RYR2: variants seen among roughly 807,000 people sequenced by gnomAD.
RYR2 encodes cardiac muscle ryanodine receptor-calcium release channel.
Under a neutral mutation model 601.1 loss-of-function variants are expected in RYR2, and 227 were observed. The ratio of observed to expected loss-of-function variants is 0.38; its 90% CI spans 0.34 to 0.42. The LOEUF (loss-of-function observed/expected upper bound fraction) is 0.42, where lower values mean the gene tolerates loss of function less well. RYR2 is among the 10% of genes least tolerant of loss of function. The pLI, the probability that RYR2 is intolerant of heterozygous loss-of-function variation, is 1.00. For missense variants in RYR2, 4,646 were observed against 6,156.5 expected (o/e 0.75, Z 8.21); for synonymous variants, 2,223 against 2,175.1 (o/e 1.02, Z -0.61).
At chr1:237,653,382 C>T (rs948608504) in intron 51 of RYR2, among the ~76,000 whole-genome samples, 1 of 152,162 alleles carries the variant, frequency 6.6e-6, no homozygotes, top group Non-Finnish European at 1.5e-5. Flanking sequence ...CTTCATTTTA[C>T]ACACAGATTC....
intron 101 of RYR2, among the ~76,000 whole-genome samples, chr1:237,827,063 T>C (rs1663182895): frequency 6.6e-6 from 1 of 152,222 alleles, no homozygotes; most frequent in Non-Finnish European, 1.5e-5. Context: ...TAAATGTCTG[T>C]AAATGTGACA....
intron 22 of RYR2, among the ~76,000 whole-genome samples, chr1:237,505,841 G>A (rs576152171): frequency 6.6e-6 from 1 of 152,230 alleles, no homozygotes; most frequent in South Asian, 2.1e-4. Context: ...CCCTTACCTT[G>A]GGTTTTTTAT....
chr1:237,828,083 TGAA>T (rs1334418369), intron 101 of RYR2, among the ~76,000 whole-genome samples: 2 of 152,168 alleles, frequency 1.3e-5, no homozygotes. Flanking sequence ...TTTTTCGGCA[TGAA>T]GTATGTAATA....
intron 2 of RYR2, among the ~76,000 whole-genome samples, chr1:237,326,508 A>G (rs140288715): frequency 0.01 from 1,588 of 152,324 alleles, 22 homozygotes; most frequent in Middle Eastern, 0.017. Flanking sequence ...TAAACGCCAT[A>G]TGTAATGTGT....
intron 2 of RYR2, among the ~76,000 whole-genome samples, chr1:237,287,764 C>G (rs923855432): frequency 3.0e-4 from 46 of 152,156 alleles, no homozygotes; most frequent in African/African-American, 1.1e-3. Flanking sequence ...TTTCTCTGGT[C>G]CCTCCTTGAT....
chr1:237,517,168 T>C (rs1666628033), intron 24 of RYR2, among the ~76,000 whole-genome samples: 1 of 152,164 alleles, frequency 6.6e-6, no homozygotes, highest in Non-Finnish European at 1.5e-5. Flanking sequence ...TTAAACTTTT[T>C]CCTGCCTCAC....
intron 101 of RYR2, among the ~76,000 whole-genome samples, chr1:237,823,798 A>T (rs998032882): frequency 2.0e-5 from 3 of 152,190 alleles, no homozygotes; most frequent in African/African-American, 7.2e-5. Context: ...ACTAATAAAG[A>T]AGAAAAGAGA....
At chr1:237,528,663 C>G (rs568406929) in intron 24 of RYR2, among the ~76,000 whole-genome samples, 2 of 152,248 alleles carry the variant, frequency 1.3e-5, no homozygotes, top group African/African-American at 2.4e-5. Context: ...AACACTGGCT[C>G]TCTCTCAGAA....
At chr1:237,162,276 A>G (rs990948385) in intron 1 of RYR2, among the ~76,000 whole-genome samples, 1 of 152,130 alleles carries the variant, frequency 6.6e-6, no homozygotes, top group Admixed American at 6.6e-5. Flanking sequence ...AGGCATTTGT[A>G]CCTTTATACA....
At chr1:237,491,676 G>A in intron 17 of RYR2, 130 bp from the exon 18 acceptor site, 1 of 585,830 alleles carries the variant, frequency 1.7e-6, no homozygotes, top group Non-Finnish European at 3.1e-6. Flanking sequence ...ACAGTGCCTT[G>A]TAACAGTCAC....
rs531580520 is a variant in RYR2, at chr1:237,506,416, C to T, written c.2614-294C>T. On this transcript the variant is annotated intron_variant, in intron 22 of 104. Transcript: ENST00000366574. ...AGCCGGGCGTAGTGGTGGGCACCTG[C>T]ATTCCCAGCTACTCGGGAGGCTGAG... Among the ~76,000 whole-genome samples the T allele has an allele frequency of 9.8e-3, 1,488 of 152,006 alleles. 28 individuals are homozygous for T. Among genetic ancestry groups the T allele is most frequent in the African/African-American group, 0.032 (1,334 of 41,454 alleles).
At chr1:237,198,785 A>G (rs377102065) in intron 1 of RYR2, among the ~76,000 whole-genome samples, 1 of 152,088 alleles carries the variant, frequency 6.6e-6, no homozygotes, top group Admixed American at 6.5e-5. Context: ...AAAACTTGCA[A>G]AGGATTCAGA....
At chr1:237,225,900 C>T (rs935262145) in intron 1 of RYR2, among the ~76,000 whole-genome samples, 2 of 152,012 alleles carry the variant, frequency 1.3e-5, no homozygotes, top group African/African-American at 4.8e-5. Flanking sequence ...ACTAGAAATA[C>T]AAAAATTAGC....
At chr1:237,644,525 C>T (rs1419555458) in intron 48 of RYR2, among the ~76,000 whole-genome samples, 1 of 152,068 alleles carries the variant, frequency 6.6e-6, no homozygotes, top group Non-Finnish European at 1.5e-5. Flanking sequence ...AGGCACTGCT[C>T]CTAGCCAAAA....
chr1:237,100,963 A>G lies in RYR2; in HGVS notation c.48+58394A>G, dbSNP rs560470942. 2.0e-5 allele frequency among the ~76,000 whole-genome samples: 3 copies of G among 151,854 alleles called. No individual in the cohort carries two copies. The South Asian group carries it at 6.3e-4, about 32-fold the overall frequency. ...GTCCTGCTTGGTTTGTCACCATGTG[A>G]TGTTGGGATGGCTTGTCTTTGCCGC... On this transcript the variant is annotated intron_variant, in intron 1 of 104. Coordinates refer to ENST00000366574, the MANE Select transcript of RYR2 (RefSeq NM_001035.3).
chr1:237,832,070 G>T (rs1663861497), intron 104 of RYR2, among the ~76,000 whole-genome samples: 1 of 152,000 alleles, frequency 6.6e-6, no homozygotes, highest in African/African-American at 2.4e-5. Context: ...TTTGAGACAA[G>T]GTCTTGCTGT....
intron 19 of RYR2, among the ~76,000 whole-genome samples, chr1:237,493,461 CT>C (rs559994730): frequency 1.1e-4 from 16 of 151,146 alleles, no homozygotes; most frequent in African/African-American, 3.6e-4. Flanking sequence ...TTGTTTTTTT[CT>C]TTTTTTTTAA....
In RYR2 at chr1:237,784,174, G is replaced by A. The variant is rs780464893; in HGVS notation, c.12462G>A (p.Glu4154=). 1.2e-6 allele frequency: 2 copies of A among 1,614,004 alleles called. No individual in the cohort carries two copies. Among genetic ancestry groups the A allele is most frequent in the Middle Eastern group, 3.3e-4 (2 of 6,062 alleles). Residue 4154 remains glutamate (E), a synonymous_variant, in exon 90 of 105, where the codon GAG becomes GAA. Coordinates refer to ENST00000366574, the MANE Select transcript of RYR2 (RefSeq NM_001035.3). This position sits in a 1 kb window ranked among gnomAD's most constrained non-coding sequence, Gnocchi z 7.1. ...RIERVYFEIS[E]SSRTQWEKPQ... is the part of the protein sequence containing the mutation. The stretch of plus-strand genomic sequence containing the variant: ...AGAGGGTCTATTTTGAAATCAGTGA[G>A]TCCAGCCGAACCCAGTGGGAGAAGC...
intron 1 of RYR2, among the ~76,000 whole-genome samples, chr1:237,162,461 A>G (rs1676124208): frequency 6.6e-6 from 1 of 152,070 alleles, no homozygotes. Context: ...AACATTTTCC[A>G]CAACTTTTAA....
Sources: gnomAD v4.1 joint callset for allele counts (sites outside exome capture counted in the v4.1 genomes callset) on GRCh38, gnomAD v4.1.1 for gene constraint, Gnocchi (gnomAD v3.1) non-coding constraint, MANE v1.5 for transcripts, NCBI Gene and HGNC (gene_info 2026-07-23, HGNC 2026-07-21) for gene names.